Variants in ANO1 observed in about 807,000 individuals in gnomAD.
ANO1 encodes anoctamin 1.
Under a neutral mutation model 124.0 loss-of-function variants are expected in ANO1, and 59 were observed. The ratio of observed to expected loss-of-function variants is 0.48; its 90% CI spans 0.39 to 0.59. ANO1 has a LOEUF of 0.59. ANO1 is among the 20% of genes least tolerant of loss of function. ANO1 has a pLI of 0.00. For missense variants in ANO1, 1,059 were observed against 1,328.0 expected (o/e 0.80, Z 3.15); for synonymous variants, 529 against 532.0 (o/e 0.99, Z 0.08).
the ANO1 span, among the ~76,000 whole-genome samples, chr11:69,967,622 G>A: frequency 0.67 from 101,677 of 152,148 alleles, 35,199 homozygotes; most frequent in Middle Eastern, 0.8. Flanking sequence ...AACATGTCAA[G>A]GGCTCTGAGC....
chr11:70,126,451 A>G (rs185894415), intron 10 of ANO1, among the ~76,000 whole-genome samples: 1 of 152,286 alleles, frequency 6.6e-6, no homozygotes, highest in East Asian at 1.9e-4. Context: ...ACATCTGACC[A>G]TTTTCATTCT....
chr11:70,109,534 C>T (rs992969744), intron 6 of ANO1, among the ~76,000 whole-genome samples: 6 of 152,178 alleles, frequency 3.9e-5, no homozygotes, highest in African/African-American at 1.4e-4. Flanking sequence ...CCCTAGTACA[C>T]ACGACTGCAG....
intron 16 of ANO1, among the ~76,000 whole-genome samples, chr11:70,158,250 G>A (rs1326527580): frequency 6.6e-6 from 1 of 152,206 alleles, no homozygotes; most frequent in Non-Finnish European, 1.5e-5. Context: ...TTCGGCCTTG[G>A]CCGCCTGCTA....
chr11:70,051,401 CA>C (rs1423506798), intron 1 of ANO1, among the ~76,000 whole-genome samples: 1 of 152,206 alleles, frequency 6.6e-6, no homozygotes, highest in African/African-American at 2.4e-5. Flanking sequence ...TCCTATGTAA[CA>C]GTGAAATTTC....
intron 2 of ANO1, among the ~76,000 whole-genome samples, chr11:70,088,732 C>T (rs1355851156): frequency 6.6e-6 from 1 of 152,056 alleles, no homozygotes; most frequent in Non-Finnish European, 1.5e-5. Flanking sequence ...ATTTGCCAAT[C>T]GGGGGAGGGA....
intron 14 of ANO1, among the ~76,000 whole-genome samples, chr11:70,155,185 C>A (rs1188334687): frequency 1.3e-5 from 2 of 152,334 alleles, no homozygotes; most frequent in African/African-American, 4.8e-5. Flanking sequence ...GTGACACACA[C>A]TATGTCCATT....
At chr11:70,097,198 A>G (rs2045021949) in intron 2 of ANO1, among the ~76,000 whole-genome samples, 1 of 152,212 alleles carries the variant, frequency 6.6e-6, no homozygotes, top group Admixed American at 6.5e-5. Context: ...GGCTGGGATT[A>G]AAGATGTCCA....
intron 14 of ANO1, 37 bp from the exon 15 acceptor site, chr11:70,155,874 C>G: frequency 4.6e-6 from 7 of 1,519,468 alleles, no homozygotes; most frequent in Non-Finnish European, 6.2e-6. Context: ...CCTCCCACTT[C>G]ACCGCACGGT....
intron 22 of ANO1, among the ~76,000 whole-genome samples, chr11:70,171,899 T>C (rs1458231895): frequency 6.6e-6 from 1 of 151,796 alleles, no homozygotes; most frequent in Non-Finnish European, 1.5e-5. Flanking sequence ...CCCACATAGG[T>C]TGTGGCTGCA....
At position 70,004,448 on chromosome 11, in the gene ANO1, G is replaced by A. The variant is rs554106763; in HGVS notation, c.58+18282G>A. On this transcript the variant is annotated intron_variant, in intron 1 of 27. Coordinates refer to the ANO1 transcript ENST00000531349. ...CATTGTGCCCTTCGAGGGAGGTACTGCTCCTTCCCCAATTTAAGGTGAGGC... is the reference window on the plus strand; with the variant it reads ...CATTGTGCCCTTCGAGGGAGGTACTACTCCTTCCCCAATTTAAGGTGAGGC... Among the ~76,000 whole-genome samples, 5 of 152,330 alleles carry A rather than the reference G, an allele frequency of 3.3e-5. No individual in the cohort carries two copies. In the South Asian group the frequency reaches 6.2e-4, roughly 19 times the overall value.
At chr11:69,992,759 C>T (rs992414237) in intron 1 of ANO1, among the ~76,000 whole-genome samples, 3 of 152,146 alleles carry the variant, frequency 2.0e-5, no homozygotes, top group East Asian at 1.9e-4. Context: ...CGTCTCTCCC[C>T]GTGCCTGCCT....
At position 70,131,908 on chromosome 11, in the gene ANO1, C is replaced by G; in HGVS notation, c.1098-11C>G. ...AACAAGGTGACTCCAGGGCTGCCCC[C>G]TCTCTTGCAGCATGGAGATGTGTGA... is the stretch of plus-strand genomic sequence containing the variant. On this transcript the variant is annotated splice_polypyrimidine_tract_variant and intron_variant, in intron 10 of 25. Coordinates refer to ENST00000355303, the MANE Select transcript of ANO1 (RefSeq NM_018043.7). The G allele has an allele frequency of 6.2e-7, 1 of 1,601,508 alleles. No homozygotes were observed. The highest frequency in any genetic ancestry group is 1.1e-5 in the South Asian group (1 of 90,264).
At chr11:70,036,210 A>G (rs1439776707) in intron 1 of ANO1, among the ~76,000 whole-genome samples, 1 of 152,184 alleles carries the variant, frequency 6.6e-6, no homozygotes, top group East Asian at 1.9e-4. Context: ...TGCCCCGTAC[A>G]GTCCCTGGTG....
intron 11 of ANO1, among the ~76,000 whole-genome samples, chr11:70,137,047 C>A (rs2135550755): frequency 6.8e-6 from 1 of 147,322 alleles, no homozygotes; most frequent in Middle Eastern, 3.4e-3. Flanking sequence ...GAGGTGATGT[C>A]TATGTGTGAT....
At chr11:70,146,594 A>T (rs2047387834) in intron 11 of ANO1, among the ~76,000 whole-genome samples, 1 of 152,174 alleles carries the variant, frequency 6.6e-6, no homozygotes, top group Non-Finnish European at 1.5e-5. Flanking sequence ...AGGAGAATCG[A>T]CTACTCACAT....
At chr11:70,146,177 T>A (rs2047370762) in intron 11 of ANO1, among the ~76,000 whole-genome samples, 1 of 152,008 alleles carries the variant, frequency 6.6e-6, no homozygotes, top group Non-Finnish European at 1.5e-5. Context: ...GACTCTGGAG[T>A]CAAAGAGAAT....
At chr11:70,013,391 T>A (rs1057510840) in intron 1 of ANO1, among the ~76,000 whole-genome samples, 29 of 151,216 alleles carry the variant, frequency 1.9e-4, no homozygotes, top group Admixed American at 3.9e-4. Context: ...GCCTTTTTTT[T>A]AAAAAAGGAG....
At chr11:70,170,834 C>A (rs948133950) in intron 21 of ANO1, 53 bp from the exon 22 acceptor site, 13 of 1,567,048 alleles carry the variant, frequency 8.3e-6, no homozygotes, top group Non-Finnish European at 9.5e-6. Context: ...TGGAGTCCCC[C>A]CTTATGGGCT....
chr11:70,001,144 T>C (rs2120351710), intron 1 of ANO1, among the ~76,000 whole-genome samples: 1 of 152,268 alleles, frequency 6.6e-6, no homozygotes, highest in Non-Finnish European at 1.5e-5. Context: ...CCTGGGATGT[T>C]CTATGGCAGA....
Sources: allele counts gnomAD v4.1 joint callset (sites outside exome capture counted in the v4.1 genomes callset), GRCh38; gene constraint gnomAD v4.1.1; transcripts MANE v1.5; gene names NCBI Gene and HGNC (gene_info 2026-07-23, HGNC 2026-07-21).